The following SHISA9 variants were observed in gnomAD, a reference collection of about 807,000 sequenced individuals.
SHISA9 encodes protein shisa-9.
Under a neutral mutation model 38.0 loss-of-function variants are expected in SHISA9, and 13 were observed. The observed-to-expected ratio is 0.34, with a 90% CI of 0.22 to 0.54. The LOEUF (loss-of-function observed/expected upper bound fraction) is 0.54. Ranked by LOEUF, SHISA9 falls within the 20% of genes least tolerant of loss-of-function variation. SHISA9 has a pLI of 0.91. For missense variants in SHISA9, 538 were observed against 575.8 expected (o/e 0.93, Z 0.67); for synonymous variants, 275 against 242.0 (o/e 1.14, Z -1.27).
intron 2 of SHISA9, among the ~76,000 whole-genome samples, chr16:13,195,447 T>G (rs887514723): frequency 6.6e-6 from 1 of 152,210 alleles, no homozygotes; most frequent in African/African-American, 2.4e-5. Context: ...AATACATAAA[T>G]GAGGAAGAAG....
chr16:13,542,686 C>A, the SHISA9 span, among the ~76,000 whole-genome samples: 5 of 152,198 alleles, frequency 3.3e-5, no homozygotes, highest in Non-Finnish European at 1.5e-5. Flanking sequence ...GTGTTTCAAT[C>A]CAGCCTCTTT....
the SHISA9 span, among the ~76,000 whole-genome samples, chr16:13,467,229 A>G: frequency 3.3e-5 from 5 of 152,194 alleles, no homozygotes; most frequent in Non-Finnish European, 7.4e-5. Flanking sequence ...CTCGCCTTCT[A>G]TGTGGGGGGG....
In SHISA9 at chr16:13,074,095, G is replaced by A. The variant is rs533348754; in HGVS notation, c.692-129299G>A. Among the ~76,000 whole-genome samples the A allele has an allele frequency of 1.2e-4, 18 of 151,314 alleles. 1 individual carries two copies. In the South Asian group the frequency reaches 1.3e-3, roughly 11 times the overall value. ...AGTGATTCTCCTGCCTCAGCCTCCC[G>A]AGTAGCTGGAATTACAGGCGCCCGC... On this transcript the variant is annotated intron_variant, in intron 2 of 4. Coordinates refer to ENST00000558583, the MANE Select transcript of SHISA9 (RefSeq NM_001145204.3).
chr16:13,220,521 C>T (rs565229399), intron 4 of SHISA9, among the ~76,000 whole-genome samples: 16 of 152,226 alleles, frequency 1.1e-4, no homozygotes, highest in Admixed American at 5.9e-4. Context: ...TTGACATGGT[C>T]CCAGGAAACT....
the SHISA9 span, among the ~76,000 whole-genome samples, chr16:13,507,603 T>C: frequency 2.0e-5 from 3 of 152,146 alleles, no homozygotes; most frequent in Non-Finnish European, 4.4e-5. Flanking sequence ...TCCTGGACCA[T>C]GCATTTAAGA....
At chr16:13,220,207 C>T (rs1236108767) in intron 4 of SHISA9, among the ~76,000 whole-genome samples, 1 of 152,126 alleles carries the variant, frequency 6.6e-6, no homozygotes, top group Non-Finnish European at 1.5e-5. Context: ...TGATTTCACC[C>T]ATCTCTCTGG....
chr16:13,202,077 C>G (rs2051011329), intron 2 of SHISA9, among the ~76,000 whole-genome samples: 1 of 112,682 alleles, frequency 8.9e-6, no homozygotes, highest in Non-Finnish European at 1.9e-5. Flanking sequence ...AGACCCATTC[C>G]CATTTGGGTC....
the SHISA9 span, among the ~76,000 whole-genome samples, chr16:13,381,259 A>G: frequency 6.6e-6 from 1 of 152,196 alleles, no homozygotes; most frequent in African/African-American, 2.4e-5. Flanking sequence ...TGGAGAGATT[A>G]GAGATAGAAA....
At chr16:12,917,062 C>A (rs141796699) in intron 2 of SHISA9, among the ~76,000 whole-genome samples, 14 of 152,314 alleles carry the variant, frequency 9.2e-5, no homozygotes, top group African/African-American at 3.4e-4. Flanking sequence ...TAGCAGACTG[C>A]TCGACTGGTT....
chr16:13,223,323 G>A (rs895064215), intron 4 of SHISA9, among the ~76,000 whole-genome samples: 2 of 152,072 alleles, frequency 1.3e-5, no homozygotes, highest in African/African-American at 2.4e-5. Context: ...CTAGATTCTC[G>A]GGAGGCTGAG....
At chr16:13,503,308 C>G in the SHISA9 span, among the ~76,000 whole-genome samples, 1 of 152,124 alleles carries the variant, frequency 6.6e-6, no homozygotes, top group South Asian at 2.1e-4. Flanking sequence ...CCATGATAAG[C>G]TCTTGGATTT....
intron 2 of SHISA9, among the ~76,000 whole-genome samples, chr16:13,105,189 T>G (rs2073914609): frequency 6.6e-6 from 1 of 152,240 alleles, no homozygotes; most frequent in Non-Finnish European, 1.5e-5. Context: ...AGACATTCTT[T>G]ATATTATTAA....
At chr16:13,356,795 G>A in the SHISA9 span, among the ~76,000 whole-genome samples, 1 of 152,140 alleles carries the variant, frequency 6.6e-6, no homozygotes, top group African/African-American at 2.4e-5. Flanking sequence ...AGAATGCCTG[G>A]ACGTCAGGCA....
chr16:13,141,442 T>G (rs1207824340), intron 2 of SHISA9, among the ~76,000 whole-genome samples: 1 of 152,050 alleles, frequency 6.6e-6, no homozygotes, highest in Non-Finnish European at 1.5e-5. Context: ...ATCCCAGCAC[T>G]TTGGGAGGCC....
chr16:13,375,619 A>T, the SHISA9 span, among the ~76,000 whole-genome samples: 1 of 152,186 alleles, frequency 6.6e-6, no homozygotes, highest in Non-Finnish European at 1.5e-5. Flanking sequence ...TTTCAAATAG[A>T]AAAAAGAAAA....
At chr16:13,036,515 G>A (rs2073066217) in intron 2 of SHISA9, among the ~76,000 whole-genome samples, 1 of 152,056 alleles carries the variant, frequency 6.6e-6, no homozygotes, top group Non-Finnish European at 1.5e-5. Context: ...GACTTTCTGG[G>A]GTGATGGAAA....
intron 2 of SHISA9, among the ~76,000 whole-genome samples, chr16:12,983,517 CTT>C (rs961312164): frequency 6.6e-6 from 1 of 152,160 alleles, no homozygotes; most frequent in African/African-American, 2.4e-5. Flanking sequence ...GAGACGGAGT[CTT>C]GCCCTGTCAC....
intron 2 of SHISA9, among the ~76,000 whole-genome samples, chr16:13,009,547 A>G (rs928012959): frequency 6.6e-6 from 1 of 152,208 alleles, no homozygotes; most frequent in African/African-American, 2.4e-5. Context: ...AAGGGCCAAT[A>G]GCCGGAACCA....
intron 2 of SHISA9, among the ~76,000 whole-genome samples, chr16:12,957,749 T>A (rs2071855534): frequency 6.6e-6 from 1 of 152,168 alleles, no homozygotes; most frequent in African/African-American, 2.4e-5. Context: ...TTTGTTTTCT[T>A]CTCACAGTTC....
Sources: allele counts gnomAD v4.1 joint callset (sites outside exome capture counted in the v4.1 genomes callset), GRCh38; gene constraint gnomAD v4.1.1; transcripts MANE v1.5; gene names NCBI Gene and HGNC (gene_info 2026-07-23, HGNC 2026-07-21).